Variants in LDLRAD4 observed in about 807,000 individuals in gnomAD.
LDLRAD4 encodes low density lipoprotein receptor class A domain containing 4, also known as low-density lipoprotein receptor class A domain-containing protein 4.
LDLRAD4 carries 5 observed loss-of-function variants against 17.0 expected under a neutral mutation model. The observed-to-expected ratio is 0.29, with a 90% CI of 0.15 to 0.62. LDLRAD4 has a LOEUF of 0.62. Ranked by LOEUF, LDLRAD4 falls within the 20% of genes least tolerant of loss-of-function variation. LDLRAD4 has a pLI of 0.84. For missense variants in LDLRAD4, 340 were observed against 424.7 expected (o/e 0.80, Z 1.75); for synonymous variants, 168 against 171.8 (o/e 0.98, Z 0.17).
intron 3 of LDLRAD4, among the ~76,000 whole-genome samples, chr18:13,575,803 T>G (rs1396046588): frequency 6.6e-6 from 1 of 152,222 alleles, no homozygotes; most frequent in African/African-American, 2.4e-5. Flanking sequence ...TAGTTTTGAT[T>G]TGCATTTCCC....
intron 3 of LDLRAD4, among the ~76,000 whole-genome samples, chr18:13,500,433 G>T (rs2093594216): frequency 6.6e-6 from 1 of 152,214 alleles, no homozygotes; most frequent in Non-Finnish European, 1.5e-5. Context: ...CTGCTCCCCG[G>T]GGCCCAGTTT....
At chr18:13,451,933 G>C (rs2091861534) in intron 3 of LDLRAD4, among the ~76,000 whole-genome samples, 1 of 152,198 alleles carries the variant, frequency 6.6e-6, no homozygotes, top group Non-Finnish European at 1.5e-5. Flanking sequence ...AACTTTCAGA[G>C]CCTAGCAGTG....
At chr18:13,433,566 A>G (rs1053294364) in intron 2 of LDLRAD4, among the ~76,000 whole-genome samples, 7 of 152,218 alleles carry the variant, frequency 4.6e-5, no homozygotes, top group African/African-American at 1.7e-4. Flanking sequence ...TCTACCAAGC[A>G]GATTAAATTT....
At chr18:13,549,351 T>G (rs924442579) in intron 3 of LDLRAD4, among the ~76,000 whole-genome samples, 3 of 151,710 alleles carry the variant, frequency 2.0e-5, no homozygotes, top group African/African-American at 7.3e-5. Flanking sequence ...TCAGAAACAG[T>G]GAGATTGTGC....
chr18:13,451,928 T>C (rs1460328312), intron 3 of LDLRAD4, among the ~76,000 whole-genome samples: 3 of 152,196 alleles, frequency 2.0e-5, no homozygotes. Flanking sequence ...ACAAAAACTT[T>C]CAGAGCCTAG....
intron 3 of LDLRAD4, among the ~76,000 whole-genome samples, chr18:13,501,735 G>A (rs1336726399): frequency 6.6e-6 from 1 of 152,064 alleles, no homozygotes. Context: ...CCTGACACTC[G>A]CTCACACACG....
intron 1 of LDLRAD4, among the ~76,000 whole-genome samples, chr18:13,281,488 G>C (rs565663815): frequency 6.6e-6 from 1 of 152,318 alleles, no homozygotes; most frequent in African/African-American, 2.4e-5. Context: ...AATGCTGGGG[G>C]CTTCTAACTT....
At chr18:13,516,962 G>A (rs953228691) in intron 3 of LDLRAD4, among the ~76,000 whole-genome samples, 7 of 152,076 alleles carry the variant, frequency 4.6e-5, no homozygotes, top group African/African-American at 9.7e-5. Flanking sequence ...TGATCTTTCC[G>A]CCTCAGCTTC....
chr18:13,409,676 G>T (rs1014640531), intron 2 of LDLRAD4, among the ~76,000 whole-genome samples: 2 of 152,080 alleles, frequency 1.3e-5, no homozygotes, highest in African/African-American at 4.8e-5. Flanking sequence ...GGACAGCTTG[G>T]GCCATTCGCA....
intron 1 of LDLRAD4, among the ~76,000 whole-genome samples, chr18:13,297,877 C>T (rs1047557768): frequency 6.6e-6 from 1 of 152,244 alleles, no homozygotes; most frequent in Non-Finnish European, 1.5e-5. Context: ...ACAGGCCTTG[C>T]TTTGATGGTT....
chr18:13,364,285 C>T (rs2083898969), intron 1 of LDLRAD4, among the ~76,000 whole-genome samples: 1 of 152,126 alleles, frequency 6.6e-6, no homozygotes, highest in East Asian at 1.9e-4. Flanking sequence ...CCACAGTGAA[C>T]ATCATTGCCA....
rs533679266 is a variant in LDLRAD4 at position 13,595,808 on chromosome 18, A to G, written c.182-25309A>G. On this transcript the variant is annotated intron_variant, in intron 3 of 5. Coordinates refer to ENST00000359446, the Ensembl canonical transcript of LDLRAD4. ...CAATTATTTTGTTTCATGGCCTGGC[A>G]TATGGTCTATCCTTCAGAATGCCAT... 7.2e-5 allele frequency among the ~76,000 whole-genome samples: 11 copies of G among 152,330 alleles called. No individual in the cohort carries two copies. In the South Asian group the frequency reaches 2.1e-3, roughly 29 times the overall value.
At chr18:13,267,273 G>A (rs2044273200) in intron 1 of LDLRAD4, among the ~76,000 whole-genome samples, 1 of 152,168 alleles carries the variant, frequency 6.6e-6, no homozygotes, top group East Asian at 1.9e-4. Flanking sequence ...GGAACGTCTG[G>A]AAACTCTACT....
chr18:13,225,128 G>A lies in LDLRAD4; in HGVS notation c.-467+6140G>A, dbSNP rs545243059. ...TGGGATTACAGGTGTGAGCCACTGCGCCAGGCCAAGAGTCTCTGTTTTGCT... is the reference window on the plus strand; with the variant it reads ...TGGGATTACAGGTGTGAGCCACTGCACCAGGCCAAGAGTCTCTGTTTTGCT... On this transcript the variant is annotated intron_variant, in intron 1 of 5. Transcript: ENST00000399848. Among the ~76,000 whole-genome samples the A allele has an allele frequency of 2.0e-3, 309 of 152,290 alleles. 3 individuals carry two copies. The highest frequency in any genetic ancestry group is 3.3e-3 in the Non-Finnish European group (226 of 68,012).
intron 3 of LDLRAD4, among the ~76,000 whole-genome samples, chr18:13,442,694 G>A (rs1410419238): frequency 2.0e-5 from 3 of 152,210 alleles, no homozygotes; most frequent in Admixed American, 1.3e-4. Flanking sequence ...CACGTCCTGT[G>A]GTGCTGTGTT....
intron 3 of LDLRAD4, among the ~76,000 whole-genome samples, chr18:13,590,741 C>T (rs1234263335): frequency 6.6e-6 from 1 of 152,198 alleles, no homozygotes; most frequent in African/African-American, 2.4e-5. Context: ...CCTGGAAATG[C>T]ATTAAAAGCT....
intron 3 of LDLRAD4, among the ~76,000 whole-genome samples, chr18:13,601,630 G>A (rs2095162977): frequency 6.7e-6 from 1 of 150,214 alleles, no homozygotes; most frequent in Non-Finnish European, 1.5e-5. Context: ...CTCCAGCCTG[G>A]GCGACAGAGT....
In LDLRAD4 at chr18:13,590,126, TG is replaced by T. The variant is rs994470641; in HGVS notation, c.182-30990del. ...ATGTGTGTGACTGCATGTGCGTGGG[TG>T]TGCATGTGTGGGTGTGCGTGGGTGT... On this transcript the variant is annotated intron_variant, in intron 3 of 5. Transcript: ENST00000359446. Among the ~76,000 whole-genome samples the T allele has an allele frequency of 2.2e-3, 340 of 151,260 alleles. 1 individual carries two copies. The highest frequency in any genetic ancestry group is 7.9e-3 in the African/African-American group (323 of 41,104).
At chr18:13,432,223 G>A (rs1370656684) in intron 2 of LDLRAD4, among the ~76,000 whole-genome samples, 1 of 152,136 alleles carries the variant, frequency 6.6e-6, no homozygotes, top group Non-Finnish European at 1.5e-5. Context: ...AAGAAGAATC[G>A]CCCTAAGGAT....
Sources: gnomAD v4.1 joint callset for allele counts (sites outside exome capture counted in the v4.1 genomes callset) on GRCh38, gnomAD v4.1.1 for gene constraint, MANE v1.5 for transcripts, NCBI Gene and HGNC (gene_info 2026-07-23, HGNC 2026-07-21) for gene names.